The following SLC2A13 variants were observed in gnomAD, a reference collection of about 807,000 sequenced individuals.
SLC2A13 encodes the protein solute carrier family 2 member 13.
SLC2A13 carries 32 observed loss-of-function variants against 64.4 expected under a neutral mutation model. That is an observed-to-expected ratio of 0.50 (90% CI 0.37 to 0.67). SLC2A13 has a LOEUF of 0.67. Ranked by LOEUF, SLC2A13 falls within the 30% of genes least tolerant of loss-of-function variation. SLC2A13 has a pLI of 0.00. For synonymous variants in SLC2A13, 338 were observed against 327.1 expected, an observed-to-expected ratio of 1.03 and a Z score of -0.36; for missense variants, 743 against 829.2, an observed-to-expected ratio of 0.90 and a Z score of 1.28.
chr12:39,778,506 G>A (rs562218669), intron 7 of SLC2A13, among the ~76,000 whole-genome samples: 1 of 152,024 alleles, frequency 6.6e-6, no homozygotes, highest in East Asian at 1.9e-4. Context: ...CTCATAACCC[G>A]GTTCCAAAGA....
In SLC2A13 at chr12:39,940,836, T is replaced by C. The variant is rs539473233; in HGVS notation, c.1034+10421A>G. 7.8e-4 allele frequency among the ~76,000 whole-genome samples: 119 copies of C among 151,746 alleles called. 1 individual carries two copies. Among genetic ancestry groups the C allele is most frequent in the African/African-American group, 2.7e-3 (112 of 41,444 alleles). On this transcript the variant is annotated intron_variant, in intron 4 of 9. Transcript: ENST00000280871. Reference sequence around the variant, plus strand: ...CACCCAAGCAGTATATACTGCACCATATTTGTAGTCTCTTATCCCTCACCC... The same window carrying C: ...CACCCAAGCAGTATATACTGCACCACATTTGTAGTCTCTTATCCCTCACCC...
chr12:39,803,204 C>CA (rs369226817), intron 7 of SLC2A13, among the ~76,000 whole-genome samples: 2,425 of 73,600 alleles, frequency 0.033, 72 homozygotes, highest in African/African-American at 0.084. Context: ...GAAGCAAATG[C>CA]AAAAAAAAAA....
chr12:39,889,355 A>G (rs1944544133), intron 4 of SLC2A13, among the ~76,000 whole-genome samples: 1 of 152,006 alleles, frequency 6.6e-6, no homozygotes, highest in Non-Finnish European at 1.5e-5. Context: ...GTATTGGCAG[A>G]ATCTTGCAAT....
chr12:39,951,686 TTA>T, intron 3 of SLC2A13, among the ~76,000 whole-genome samples: 1 of 152,344 alleles, frequency 6.6e-6, no homozygotes, highest in Non-Finnish European at 1.5e-5. Flanking sequence ...GCTCTAGAGA[TTA>T]ACCACTTCCT....
chr12:39,757,137 T>C lies in SLC2A13; in HGVS notation c.*2889A>G, dbSNP rs1939990079. ...ATGTGTTTATATGCAGATGAAATGA[T>C]ATATCCTCTTAAGTCTAGTGCAGAT... On this transcript the variant is annotated 3_prime_UTR_variant, in exon 10 of 10. Coordinates refer to ENST00000280871, the MANE Select transcript of SLC2A13 (RefSeq NM_052885.4). 1 of 151,834 alleles carries C rather than the reference T, an allele frequency of 6.6e-6. No individual in the cohort carries two copies. Among genetic ancestry groups the C allele is most frequent in the African/African-American group, 2.4e-5 (1 of 41,394 alleles). The allele number at this position is 151,834 out of a possible 1,614,324, so 9.4% of individuals were successfully genotyped here.
chr12:40,061,023 C>T (rs1164287961), intron 1 of SLC2A13, among the ~76,000 whole-genome samples: 2 of 152,014 alleles, frequency 1.3e-5, no homozygotes, highest in Non-Finnish European at 2.9e-5. Flanking sequence ...TATTATGTAA[C>T]TTCAGATTTT....
At chr12:40,098,146 C>T (rs1441417329) in intron 1 of SLC2A13, among the ~76,000 whole-genome samples, 1 of 151,690 alleles carries the variant, frequency 6.6e-6, no homozygotes, top group Non-Finnish European at 1.5e-5. Context: ...TATATACACA[C>T]ACATATACAC....
Position 39,774,213 on chromosome 12 carries a change from T to G in SLC2A13, c.1446-9355A>C, listed in dbSNP as rs972122679. On this transcript the variant is annotated intron_variant, in intron 7 of 9. Transcript: ENST00000280871. Reference sequence around the variant, plus strand: ...CTCCAGGATAGGACACCTTCACTCTTATCTGAGGAGAACTAAAGAAGCAAA... The same window carrying G: ...CTCCAGGATAGGACACCTTCACTCTGATCTGAGGAGAACTAAAGAAGCAAA... Among the ~76,000 whole-genome samples the G allele has an allele frequency of 2.0e-5, 3 of 152,168 alleles. No individual in the cohort carries two copies. The South Asian group carries it at 6.2e-4, about 31-fold the overall frequency.
At chr12:40,018,104 A>C (rs1014500107) in intron 3 of SLC2A13, among the ~76,000 whole-genome samples, 2 of 152,250 alleles carry the variant, frequency 1.3e-5, no homozygotes, top group Non-Finnish European at 1.5e-5. Flanking sequence ...TTAAAGAAGG[A>C]ATCAGCAACC....
At chr12:39,785,532 G>C (rs558186409) in intron 7 of SLC2A13, among the ~76,000 whole-genome samples, 1 of 152,286 alleles carries the variant, frequency 6.6e-6, no homozygotes, top group Admixed American at 6.5e-5. Context: ...GGGAAATGTG[G>C]GGTCAGAGCC....
chr12:40,021,692 TAAATGACATCCATGC>T lies in SLC2A13; in HGVS notation c.925+6594_925+6608del, dbSNP rs1183370428. Among the ~76,000 whole-genome samples, 7 of 152,342 alleles carry T rather than the reference TAAATGACATCCATGC, an allele frequency of 4.6e-5. No individual in the cohort carries two copies. The East Asian group carries it at 1.3e-3, about 29-fold the overall frequency. On this transcript the variant is annotated intron_variant, in intron 3 of 9. Transcript: ENST00000280871. Reference sequence around the variant, plus strand: ...CAATATCTATTTAAAGTTCACCTAGTAAATGACATCCATGCATTGTTTTGGGTCAGATAACACTGT... The same window carrying T: ...CAATATCTATTTAAAGTTCACCTAGTATTGTTTTGGGTCAGATAACACTGT...
intron 3 of SLC2A13, among the ~76,000 whole-genome samples, chr12:39,986,145 A>G (rs535048832): frequency 1.3e-5 from 2 of 152,162 alleles, no homozygotes; most frequent in East Asian, 3.9e-4. Context: ...CACCTCCCAA[A>G]GGCCCCATAT....
intron 4 of SLC2A13, among the ~76,000 whole-genome samples, chr12:39,924,626 G>A (rs770531128): frequency 8.6e-5 from 13 of 151,766 alleles, no homozygotes; most frequent in Non-Finnish European, 1.3e-4. Context: ...TCATTGTATC[G>A]TTAGTATAGA....
At chr12:39,760,336 T>TTTTC in intron 9 of SLC2A13, 84 bp from the exon 10 acceptor site, 1 of 1,307,300 alleles carries the variant, frequency 7.6e-7, no homozygotes, top group East Asian at 2.5e-5. Flanking sequence ...TTGACTTTTT[T>TTTTC]TTTCTGGTCA....
chr12:39,841,390 C>G lies in SLC2A13; in HGVS notation c.1320-11162G>C, dbSNP rs139493755. ...CATCTGAACAAAATGCACCAATGAA[C>G]TCTCTAATGGAGAAGGAAGAAAAAG... On this transcript the variant is annotated intron_variant, in intron 6 of 9. Coordinates refer to ENST00000280871, the MANE Select transcript of SLC2A13 (RefSeq NM_052885.4). Among the ~76,000 whole-genome samples, 942 of 152,190 alleles carry G rather than the reference C, an allele frequency of 6.2e-3. 12 individuals carry two copies. The highest frequency in any genetic ancestry group is 0.021 in the African/African-American group (891 of 41,528).
chr12:40,037,707 C>T (rs1434466341), intron 2 of SLC2A13, among the ~76,000 whole-genome samples: 1 of 151,304 alleles, frequency 6.6e-6, no homozygotes, highest in Non-Finnish European at 1.5e-5. Context: ...GATGTAGCTT[C>T]TTTAATAAAT....
chr12:39,763,118 G>T (rs368477121), intron 9 of SLC2A13, among the ~76,000 whole-genome samples: 2 of 151,918 alleles, frequency 1.3e-5, no homozygotes, highest in Non-Finnish European at 2.9e-5. Context: ...TATTGTGCTC[G>T]TATTTATTAT....
In SLC2A13 at chr12:40,071,393, A is replaced by G. The variant is rs28365168; in HGVS notation, c.557-23183T>C. Among the ~76,000 whole-genome samples the G allele has an allele frequency of 1.0e-3, 156 of 152,248 alleles. 1 individual carries two copies. In the East Asian group the frequency reaches 0.024, roughly 23 times the overall value. On this transcript the variant is annotated intron_variant, in intron 1 of 9. Coordinates refer to ENST00000280871, the MANE Select transcript of SLC2A13 (RefSeq NM_052885.4). ...GGGACAAATCCCAATTCATAATGGT[A>G]TATGTCTTTAGTGTTGAATTCAATT...
intron 9 of SLC2A13, among the ~76,000 whole-genome samples, chr12:39,762,749 G>C (rs1300147358): frequency 6.6e-6 from 1 of 151,996 alleles, no homozygotes; most frequent in Non-Finnish European, 1.5e-5. Context: ...GACACAAAAA[G>C]GGAGAAAAAC....
Sources: gnomAD v4.1 joint callset for allele counts (sites outside exome capture counted in the v4.1 genomes callset) on GRCh38, gnomAD v4.1.1 for gene constraint, MANE v1.5 for transcripts, NCBI Gene and HGNC (gene_info 2026-07-23, HGNC 2026-07-21) for gene names.